Variants in PKNOX1 observed in about 807,000 individuals in gnomAD.
The protein encoded by PKNOX1 is homeobox protein PKNOX1.
PKNOX1 carries 15 observed loss-of-function variants against 51.9 expected under a neutral mutation model. The ratio of observed to expected loss-of-function variants is 0.29; its 90% CI spans 0.19 to 0.45. The LOEUF (loss-of-function observed/expected upper bound fraction) is 0.45. Among genes scored for constraint, PKNOX1 ranks in the 20% least tolerant of loss-of-function variants. PKNOX1 has a pLI of 1.00. For missense variants in PKNOX1, 462 were observed against 547.5 expected (o/e 0.84, Z 1.56); for synonymous variants, 219 against 211.1 (o/e 1.04, Z -0.32).
At chr21:42,983,957 A>T (rs1001230638) in intron 1 of PKNOX1, among the ~76,000 whole-genome samples, 3 of 152,232 alleles carry the variant, frequency 2.0e-5, no homozygotes, top group African/African-American at 7.2e-5. Context: ...CCTAATAATT[A>T]GTGATGTGGA....
chr21:43,018,047 CAAAAAAAAAAAAAA>C, intron 6 of PKNOX1, 72 bp from the exon 7 acceptor site: 1 of 273,750 alleles, frequency 3.7e-6, no homozygotes, highest in South Asian at 2.9e-5. Context: ...CCTGTCTCTA[CAAAAAAAAAAAAAA>C]AAAAAAAAAG....
intron 3 of PKNOX1, 133 bp from the exon 4 acceptor site, chr21:43,009,920 C>G (rs1314696847): frequency 4.1e-6 from 2 of 485,540 alleles, no homozygotes; most frequent in Non-Finnish European, 7.1e-6. Context: ...TGCATACTTT[C>G]AACGGGTGGA....
chr21:43,017,157 C>T, intron 6 of PKNOX1, 150 bp downstream of exon 6: 1 of 465,610 alleles, frequency 2.1e-6, no homozygotes. Flanking sequence ...ATGCCTCTTT[C>T]TTGTTAATAC....
At chr21:43,007,424 G>A in intron 2 of PKNOX1, 67 bp from the exon 3 acceptor site, 6 of 1,501,696 alleles carry the variant, frequency 4.0e-6, no homozygotes, top group Non-Finnish European at 5.6e-6. Context: ...CTGCATTCCT[G>A]TTGGAGCATG....
intron 1 of PKNOX1, among the ~76,000 whole-genome samples, chr21:42,995,575 G>T (rs1978464398): frequency 6.6e-6 from 1 of 152,138 alleles, no homozygotes; most frequent in Non-Finnish European, 1.5e-5. Flanking sequence ...CTACTCAAGA[G>T]ACTGAAGTGT....
intron 1 of PKNOX1, among the ~76,000 whole-genome samples, chr21:43,003,034 C>T (rs1269866283): frequency 6.6e-6 from 1 of 152,160 alleles, no homozygotes; most frequent in African/African-American, 2.4e-5. Flanking sequence ...TGAACTGTCT[C>T]GCTCAGGACA....
intron 4 of PKNOX1, among the ~76,000 whole-genome samples, chr21:43,010,591 C>G (rs1408539732): frequency 1.3e-5 from 2 of 152,130 alleles, no homozygotes; most frequent in Non-Finnish European, 1.5e-5. Flanking sequence ...GTGGCTCACA[C>G]CTGTAATCCC....
chr21:42,978,212 C>T (rs1377768239), intron 1 of PKNOX1, among the ~76,000 whole-genome samples: 5 of 152,098 alleles, frequency 3.3e-5, no homozygotes, highest in Non-Finnish European at 7.4e-5. Flanking sequence ...ACCATGTTGA[C>T]CAGGCTGGTC....
intron 1 of PKNOX1, among the ~76,000 whole-genome samples, chr21:42,979,013 C>T (rs2059012632): frequency 6.6e-6 from 1 of 152,236 alleles, no homozygotes; most frequent in Non-Finnish European, 1.5e-5. Flanking sequence ...GGTTCTCCCA[C>T]CTCAGCCCCC....
chr21:42,975,754 T>C (rs1240519882), intron 1 of PKNOX1, among the ~76,000 whole-genome samples: 1 of 151,872 alleles, frequency 6.6e-6, no homozygotes, highest in Non-Finnish European at 1.5e-5. Flanking sequence ...CCCTGGGGGG[T>C]GTTCCACCTG....
At chr21:42,975,152 G>C (rs1331634982) in intron 1 of PKNOX1, among the ~76,000 whole-genome samples, 1 of 145,742 alleles carries the variant, frequency 6.9e-6, no homozygotes, top group East Asian at 2.0e-4. Context: ...GGGGCCGGTC[G>C]GGTCCGCGGC....
intron 5 of PKNOX1, among the ~76,000 whole-genome samples, chr21:43,014,873 T>G (rs1195437579): frequency 1.1e-4 from 16 of 152,242 alleles, no homozygotes; most frequent in Admixed American, 1.0e-3. Flanking sequence ...CACATAAATT[T>G]TAGAATGCTC....
At chr21:43,004,480 C>G (rs367605936) in intron 2 of PKNOX1, 48 bp downstream of exon 2, 1 of 1,276,946 alleles carries the variant, frequency 7.8e-7, no homozygotes, top group Non-Finnish European at 1.1e-6. Flanking sequence ...CAACCTGGCA[C>G]TCAAGCATGA....
At position 43,007,583 on chromosome 21, in the gene PKNOX1, G is replaced by A. The variant is rs1400183357; in HGVS notation, c.144G>A (p.Gln48=). 1.9e-6 allele frequency: 3 copies of A among 1,614,194 alleles called. No homozygotes were observed. The highest frequency in any genetic ancestry group is 2.5e-6 in the Non-Finnish European group (3 of 1,180,018). ...EGVSPPPVES[Q]TPMDVDKQAI... is the part of the protein sequence containing the mutation. ...TGAGCCCTCCCCCTGTGGAGTCTCA[G>A]ACCCCGATGGATGTGGACAAGCAGG... is the stretch of plus-strand genomic sequence containing the variant. The change falls in exon 3 of 11, where the codon CAG becomes CAA. Residue 48 remains glutamine, a synonymous_variant. Transcript: ENST00000291547.
chr21:42,985,889 T>C (rs1022013806), intron 1 of PKNOX1, among the ~76,000 whole-genome samples: 2 of 151,382 alleles, frequency 1.3e-5, no homozygotes, highest in African/African-American at 2.4e-5. Context: ...TAATTCCAGC[T>C]ACTCAGGAGA....
chr21:43,000,387 A>G (rs1020744265), intron 1 of PKNOX1, among the ~76,000 whole-genome samples: 7 of 152,206 alleles, frequency 4.6e-5, no homozygotes, highest in African/African-American at 1.7e-4. Flanking sequence ...ATCATGGCGG[A>G]AGGCAAGGAA....
intron 1 of PKNOX1, among the ~76,000 whole-genome samples, chr21:42,986,360 G>A (rs1332773558): frequency 6.6e-6 from 1 of 151,912 alleles, no homozygotes; most frequent in Non-Finnish European, 1.5e-5. Context: ...AATTAGCCAG[G>A]CATGGTGGCA....
At position 42,999,399 on chromosome 21, in the gene PKNOX1, G is replaced by T. The variant is rs543993457; in HGVS notation, c.-56-4927G>T. 5.3e-5 allele frequency among the ~76,000 whole-genome samples: 8 copies of T among 152,328 alleles called. No individual in the cohort carries two copies. The South Asian group carries it at 6.2e-4, about 12-fold the overall frequency. The stretch of plus-strand genomic sequence containing the variant: ...CCTGGAGACATTTTCCCCATTGTCT[G>T]GGGGATTAACATTAGGCTCCTCATT... On this transcript the variant is annotated intron_variant, in intron 1 of 10. Coordinates refer to ENST00000291547, the MANE Select transcript of PKNOX1 (RefSeq NM_004571.5).
chr21:42,998,300 GC>G (rs1336780962), intron 1 of PKNOX1, among the ~76,000 whole-genome samples: 2 of 152,052 alleles, frequency 1.3e-5, no homozygotes, highest in Non-Finnish European at 2.9e-5. Flanking sequence ...GAAAAGACTT[GC>G]CCCCATGATT....
Sources: allele counts gnomAD v4.1 joint callset (sites outside exome capture counted in the v4.1 genomes callset), GRCh38; gene constraint gnomAD v4.1.1; transcripts MANE v1.5; gene names NCBI Gene and HGNC (gene_info 2026-07-23, HGNC 2026-07-21).